The following GUSB variants were observed in gnomAD, a reference collection of about 807,000 sequenced individuals.
The protein encoded by GUSB is glucuronidase beta, also known as beta-glucuronidase.
GUSB carries 51 observed loss-of-function variants against 74.6 expected under a neutral mutation model. That is an observed-to-expected ratio of 0.68 (90% CI 0.55 to 0.86). GUSB has a LOEUF of 0.86. Ranked by LOEUF, GUSB falls within the 40% of genes least tolerant of loss-of-function variation. The pLI is 0.00. For missense variants in GUSB, 736 were observed against 853.7 expected, an observed-to-expected ratio of 0.86 and a Z score of 1.72; for synonymous variants, 360 against 348.3, an observed-to-expected ratio of 1.03 and a Z score of -0.37.
At position 65,974,277 on chromosome 7, in the gene GUSB, C is replaced by T; in HGVS notation, c.1391+18G>A. The T allele has an allele frequency of 6.2e-7, 1 of 1,613,368 alleles. No homozygotes were observed. The highest frequency in any genetic ancestry group is 8.5e-7 in the Non-Finnish European group (1 of 1,179,484). On this transcript the variant is annotated intron_variant, in intron 8 of 11. Transcript: ENST00000304895. Reference sequence around the variant, plus strand: ...GTCTCCTTCCCACTCTAGCCGAGGGCAGGGAGGGAGCACTCACTTCAAGTA... The same window carrying T: ...GTCTCCTTCCCACTCTAGCCGAGGGTAGGGAGGGAGCACTCACTTCAAGTA...
Position 65,964,394 on chromosome 7 carries a change from A to G in GUSB, c.1718T>C (p.Leu573Pro). The change falls in exon 11 of 12, where the codon CTG becomes CCG. Residue 573 changes from leucine to proline, a missense_variant. By Grantham distance (98) the Leu-to-Pro change is moderately conservative. Around this residue, in one of 2 missense-constraint regions of GUSB, gnomAD observed 368 missense variants for 489.9 expected, o/e 0.75. Coordinates refer to ENST00000304895, the MANE Select transcript of GUSB (RefSeq NM_000181.4). ...CACGTATTTTCTGCGTTTTTGATCCAGACCCAGATGGTACTGCTCTAGCAG... is the reference window on the plus strand; with the variant it reads ...CACGTATTTTCTGCGTTTTTGATCCGGACCCAGATGGTACTGCTCTAGCAG... The part of the protein sequence containing the change: ...KSLLEQYHLG[L>P]DQKRRKYVVG... 6.2e-7 allele frequency: 1 copy of G among 1,611,264 alleles called. No individual in the cohort carries two copies. The highest frequency in any genetic ancestry group is 2.3e-4 in the Middle Eastern group (1 of 4,434).
intron 8 of GUSB, 54 bp downstream of exon 8, chr7:65,974,241 C>T: frequency 6.3e-7 from 1 of 1,593,504 alleles, no homozygotes; most frequent in Non-Finnish European, 8.6e-7. Context: ...CGAGGCCAGC[C>T]ACCTGCCAGG....
At chr7:65,977,841 C>T (rs1040808294) in intron 4 of GUSB, among the ~76,000 whole-genome samples, 1 of 151,946 alleles carries the variant, frequency 6.6e-6, no homozygotes, top group Non-Finnish European at 1.5e-5. Context: ...CATGGAGTCT[C>T]GCTCTGTCCC....
chr7:65,965,281 C>A (rs932723473), intron 10 of GUSB, among the ~76,000 whole-genome samples: 1 of 151,650 alleles, frequency 6.6e-6, no homozygotes, highest in Non-Finnish European at 1.5e-5. Context: ...TGGCGCACGC[C>A]TGCAGTTCAA....
chr7:65,967,601 C>T (rs1018825272), intron 10 of GUSB, 130 bp downstream of exon 10: 19 of 793,180 alleles, frequency 2.4e-5, no homozygotes, highest in Middle Eastern at 3.1e-4. Context: ...GGAACGTGGA[C>T]GGGGCCGTGG....
intron 11 of GUSB, 99 bp from the exon 12 acceptor site, chr7:65,961,162 C>G (rs1790469776): frequency 8.7e-7 from 1 of 1,150,074 alleles, no homozygotes; most frequent in Admixed American, 1.9e-5. Flanking sequence ...ATAGAAATGT[C>G]TTTTTTTTTC....
chr7:65,981,403 T>C (rs1009620016), intron 1 of GUSB, among the ~76,000 whole-genome samples: 5 of 151,988 alleles, frequency 3.3e-5, no homozygotes, highest in Non-Finnish European at 4.4e-5. Flanking sequence ...GGCTAATTTT[T>C]ATATTTTTAG....
intron 4 of GUSB, among the ~76,000 whole-genome samples, chr7:65,978,331 C>A (rs1416050726): frequency 6.6e-6 from 1 of 152,024 alleles, no homozygotes; most frequent in Admixed American, 6.6e-5. Flanking sequence ...GCCTGTAATC[C>A]CAGCTGCTCA....
chr7:65,973,075 A>C (rs1412163469), intron 8 of GUSB, among the ~76,000 whole-genome samples: 2 of 152,198 alleles, frequency 1.3e-5, no homozygotes, highest in African/African-American at 4.8e-5. Context: ...TCACACCTGT[A>C]ATCCCAGCAC....
rs1214275445 is a variant in GUSB, at chr7:65,974,566, C to T, written c.1204G>A (p.Val402Met). ...ACGCCGGGACACTCATCGATGACCA[C>T]AATCCCATAGCGGTCACACATCTGC... is the stretch of plus-strand genomic sequence containing the variant. ...VMQMCDRYGI[V>M]VIDECPGVGL... is the part of the protein sequence containing the mutation. Residue 402 changes from valine to methionine, a missense_variant, in exon 7 of 12, where the codon GTG becomes ATG. Physicochemically the swap from Val to Met is conservative, Grantham distance 21. This residue lies in a region of GUSB where 368 missense variants were observed against 489.9 expected (regional missense o/e 0.75). Coordinates refer to ENST00000304895, the MANE Select transcript of GUSB (RefSeq NM_000181.4). 8 of 1,614,100 alleles carry T rather than the reference C, an allele frequency of 5.0e-6. No individual in the cohort carries two copies. Among genetic ancestry groups the T allele is most frequent in the Non-Finnish European group, 6.8e-6 (8 of 1,180,054 alleles).
rs769514976 is a variant in GUSB, at chr7:65,960,885, T to G, written c.*12A>C. On this transcript the variant is annotated 3_prime_UTR_variant, in exon 12 of 12. Transcript: ENST00000304895. ...CGGGGAGGAAGGGACACGCAGGTGG[T>G]ATCAGTCTTGCTCAAGTAAACAGGC... 42 of 1,611,574 alleles carry G rather than the reference T, an allele frequency of 2.6e-5. No homozygotes were observed. The highest frequency in any genetic ancestry group is 3.3e-5 in the Admixed American group (2 of 59,964).
chr7:65,974,669 C>T lies in GUSB; in HGVS notation c.1101G>A (p.Val367=). 1 of 1,613,680 alleles carries T rather than the reference C, an allele frequency of 6.2e-7. No homozygotes were observed. The highest frequency in any genetic ancestry group is 2.2e-5 in the East Asian group (1 of 44,878). The change falls in exon 7 of 12, where the codon GTG becomes GTA. Residue 367 remains valine, a synonymous_variant. Transcript: ENST00000304895. ...GCCAGCGAAGCAGGTTGAAGTCCTT[C>T]ACCAGCAGCGGCCAGTCGAAGCCCT... ...RGKGFDWPLL[V]KDFNLLRWLG... is the part of the protein sequence containing the mutation.
At chr7:65,975,899 T>A in intron 5 of GUSB, 116 bp downstream of exon 5, 14 of 668,548 alleles carry the variant, frequency 2.1e-5, no homozygotes, top group Non-Finnish European at 2.7e-5. Context: ...GTGAGAAACA[T>A]CAGAAAGCTC....
chr7:65,974,453 G>A lies in GUSB; in HGVS notation c.1245-12C>T, dbSNP rs764959264. 1.2e-6 allele frequency: 2 copies of A among 1,614,194 alleles called. No individual in the cohort carries two copies. The highest frequency in any genetic ancestry group is 1.1e-5 in the South Asian group (1 of 91,088). ...TGTTGAAGAACTGCCTGCGGGCCAG[G>A]AGGGAAGGGACAGAGGGTCACGGTG... On this transcript the variant is annotated splice_polypyrimidine_tract_variant and intron_variant, in intron 7 of 11. Transcript: ENST00000304895.
rs544262066 is a variant in GUSB, at chr7:65,980,158, G to A, written c.396+66C>T. Reference sequence around the variant, plus strand: ...AGCATACATGCCGTGGGTGGCAGCTGGAGGTCCCATGCTGTTCAGCAGCCG... The same window carrying A: ...AGCATACATGCCGTGGGTGGCAGCTAGAGGTCCCATGCTGTTCAGCAGCCG... On this transcript the variant is annotated intron_variant, in intron 2 of 11. Coordinates refer to ENST00000304895, the MANE Select transcript of GUSB (RefSeq NM_000181.4). 1,017 of 1,430,948 alleles carry A rather than the reference G, an allele frequency of 7.1e-4. 4 individuals are homozygous for A. The highest frequency in any genetic ancestry group is 5.0e-3 in the South Asian group (403 of 81,406). 88.6% of individuals were successfully genotyped at this position (1,430,948 alleles called of 1,614,324 possible).
rs1791428246 is a variant in GUSB, at chr7:65,974,508, T to C, written c.1244+18A>G. 2 of 1,614,064 alleles carry C rather than the reference T, an allele frequency of 1.2e-6. No individual in the cohort carries two copies. The highest frequency in any genetic ancestry group is 1.1e-5 in the South Asian group (1 of 91,080). ...CCCCGGGCTGGGCAGGCGGAGCAGG[T>C]GCACAGCAGAGACTCACGGCAGCGC... is the stretch of plus-strand genomic sequence containing the variant. On this transcript the variant is annotated intron_variant, in intron 7 of 11. Coordinates refer to ENST00000304895, the MANE Select transcript of GUSB (RefSeq NM_000181.4).
chr7:65,980,758 G>A, intron 1 of GUSB: 2 of 386,538 alleles, frequency 5.2e-6, no homozygotes, highest in Non-Finnish European at 9.9e-6. Flanking sequence ...AGGAATGGGG[G>A]GAGCTTTGCT....
In GUSB at chr7:65,982,180, C is replaced by A. The variant is rs1369927875; in HGVS notation, c.4G>T (p.Ala2Ser). ...GCCCAGGCAACCGCCGACCCCCGGG[C>A]CATGCTTCCCGGTCCCCCGCTCGGC... MARGSAVAWAAL... is the reference protein window; with the variant it reads MSRGSAVAWAAL... Residue 2 changes from alanine to serine, a missense_variant, in exon 1 of 12, where the codon GCC (alanine) becomes TCC (serine). Ala to Ser is a moderately conservative substitution (Grantham distance 99, BLOSUM62 1). This residue lies in a region of GUSB where 368 missense variants were observed against 363.8 expected (regional missense o/e 1.01). Transcript: ENST00000304895. 4.6e-6 allele frequency: 7 copies of A among 1,510,364 alleles called. No individual in the cohort carries two copies. Among genetic ancestry groups the A allele is most frequent in the Non-Finnish European group, 6.2e-6 (7 of 1,129,552 alleles). The allele number at this position is 1,510,364 out of a possible 1,614,324, so 93.6% of individuals were successfully genotyped here.
At chr7:65,970,669 A>G (rs1562679653) in intron 8 of GUSB, among the ~76,000 whole-genome samples, 1 of 151,868 alleles carries the variant, frequency 6.6e-6, no homozygotes, top group Non-Finnish European at 1.5e-5. Context: ...CGAGGCGGGC[A>G]GATCACAAGG....
Sources: allele counts gnomAD v4.1 joint callset (sites outside exome capture counted in the v4.1 genomes callset), GRCh38; gene constraint gnomAD v4.1.1; regional missense constraint gnomAD v4.1.1; transcripts MANE v1.5; gene names NCBI Gene and HGNC (gene_info 2026-07-23, HGNC 2026-07-21).